The following USP42 variants were observed in gnomAD, a reference collection of about 807,000 sequenced individuals.
USP42 encodes ubiquitin carboxyl-terminal hydrolase 42.
In USP42, 23 loss-of-function variants were observed where a neutral mutation model predicts 113.0. That is an observed-to-expected ratio of 0.20 (90% CI 0.15 to 0.29). USP42 has a LOEUF of 0.29. USP42 is among the 10% of genes least tolerant of loss of function. The pLI is 1.00. For synonymous variants in USP42, 933 were observed against 699.0 expected, an observed-to-expected ratio of 1.33 and a Z score of -5.28; for missense variants, 2,174 against 1,779.8, an observed-to-expected ratio of 1.22 and a Z score of -3.99.
intron 2 of USP42, among the ~76,000 whole-genome samples, chr7:6,112,762 G>C (rs1298869836): frequency 6.6e-6 from 1 of 152,002 alleles, no homozygotes; most frequent in Non-Finnish European, 1.5e-5. Context: ...GCTGTCGTTA[G>C]TGTTAGTGTT....
At chr7:6,141,908 T>C (rs1417069758) in intron 7 of USP42, among the ~76,000 whole-genome samples, 1 of 152,232 alleles carries the variant, frequency 6.6e-6, no homozygotes, top group African/African-American at 2.4e-5. Context: ...TCACTTTTTA[T>C]ATAAATGAGA....
At chr7:6,102,242 G>T (rs56333002), upstream of USP42, among the ~76,000 whole-genome samples, 66,026 of 147,414 alleles carry the variant, frequency 0.45, 16,998 homozygotes, top group East Asian at 0.86. Flanking sequence ...CAGCCTCCCA[G>T]TAGCTGGGAT....
rs1353942904 is a variant in USP42 at position 6,150,180 on chromosome 7, A to G, written c.1984A>G (p.Ser662Gly). 1.2e-6 allele frequency: 2 copies of G among 1,613,818 alleles called. No homozygotes were observed. The highest frequency in any genetic ancestry group is 1.7e-5 in the Admixed American group (1 of 60,002). The part of the protein sequence containing the change: ...QEPMTLNGAN[S>G]ADSDSDPKEN... ...ACCCATGACCCTAAACGGTGCTAAT[A>G]GTGCAGACAGCGACAGTGACCCGAA... The change falls in exon 13 of 18, where the codon AGT (serine) becomes GGT (glycine). Residue 662 changes from serine (S) to glycine (G), a missense_variant. By Grantham distance (56) the Ser-to-Gly change is moderately conservative (BLOSUM62 0). Coordinates refer to ENST00000306177, the MANE Select transcript of USP42 (RefSeq NM_032172.3).
chr7:6,093,480 A>C, the USP42 span, among the ~76,000 whole-genome samples: 1 of 150,102 alleles, frequency 6.7e-6, no homozygotes, highest in Non-Finnish European at 1.5e-5. Flanking sequence ...AGAAACCAAA[A>C]CCATGTTGGC....
chr7:6,119,085 C>G (rs778260480), intron 3 of USP42, among the ~76,000 whole-genome samples: 41 of 151,702 alleles, frequency 2.7e-4, no homozygotes, highest in Non-Finnish European at 5.2e-4. Context: ...TCTGGGAACT[C>G]ATGCCTATAG....
chr7:6,149,248 C>T (rs1398481264), intron 12 of USP42, among the ~76,000 whole-genome samples: 1 of 152,124 alleles, frequency 6.6e-6, no homozygotes, highest in African/African-American at 2.4e-5. Context: ...AGCGAGCTCC[C>T]AGGAAACCCA....
chr7:6,084,710 C>T, the USP42 span: 2 of 150,722 alleles, frequency 1.3e-5, no homozygotes, highest in East Asian at 3.9e-4. Context: ...CACCTGATAT[C>T]GCAAGGACTC....
intron 14 of USP42, among the ~76,000 whole-genome samples, chr7:6,152,502 G>A (rs1343361163): frequency 4.6e-5 from 7 of 152,142 alleles, no homozygotes; most frequent in African/African-American, 7.2e-5. Context: ...AATGGCCCCC[G>A]GCGGGTGGGA....
chr7:6,112,477 G>A (rs1779651144), intron 2 of USP42, among the ~76,000 whole-genome samples: 1 of 151,924 alleles, frequency 6.6e-6, no homozygotes, highest in African/African-American at 2.4e-5. Context: ...AAAAAAGAGA[G>A]CATGTAACAC....
At chr7:6,121,868 C>T (rs1429800884) in intron 3 of USP42, among the ~76,000 whole-genome samples, 2 of 152,056 alleles carry the variant, frequency 1.3e-5, no homozygotes, top group East Asian at 1.9e-4. Flanking sequence ...ACTATGTTGC[C>T]CAGGGTAGTC....
At chr7:6,103,605 T>G (rs1380227449), upstream of USP42, among the ~76,000 whole-genome samples, 1 of 150,340 alleles carries the variant, frequency 6.7e-6, no homozygotes, top group Admixed American at 6.6e-5. Flanking sequence ...CAGGCGGACT[T>G]GAAGGCTGCA....
At chr7:6,114,538 A>C (rs1005264749) in intron 2 of USP42, among the ~76,000 whole-genome samples, 5 of 150,998 alleles carry the variant, frequency 3.3e-5, no homozygotes, top group Non-Finnish European at 5.9e-5. Context: ...TCTAAAAATC[A>C]AAAATGTATT....
intron 7 of USP42, among the ~76,000 whole-genome samples, chr7:6,141,674 T>A (rs1274537403): frequency 6.6e-6 from 1 of 152,080 alleles, no homozygotes; most frequent in Non-Finnish European, 1.5e-5. Context: ...TTCCCCTGTC[T>A]CAGCCTCCCT....
intron 2 of USP42, among the ~76,000 whole-genome samples, chr7:6,114,678 A>ATATATATATATATATTTT (rs1241045063): frequency 2.1e-4 from 4 of 18,880 alleles, no homozygotes; most frequent in Admixed American, 1.2e-3. Flanking sequence ...ATATATATAT[A>ATATATATATATATATTTT]TTTTTTTTTT....
chr7:6,137,341 AC>A (rs1781202104), intron 4 of USP42, among the ~76,000 whole-genome samples: 1 of 152,264 alleles, frequency 6.6e-6, no homozygotes, highest in South Asian at 2.1e-4. Flanking sequence ...TGGATTGTTT[AC>A]ACATGCATGC....
chr7:6,143,574 A>G (rs1316362718), intron 8 of USP42, among the ~76,000 whole-genome samples: 1 of 152,138 alleles, frequency 6.6e-6, no homozygotes, highest in East Asian at 1.9e-4. Flanking sequence ...GTGGTCAGGT[A>G]ATAGAAGTAA....
the USP42 span, among the ~76,000 whole-genome samples, chr7:6,085,635 G>A: frequency 1.4e-5 from 2 of 140,840 alleles, no homozygotes; most frequent in Non-Finnish European, 1.5e-5. Context: ...TTTTTTTTGA[G>A]ATGGAGTCTT....
intron 2 of USP42, among the ~76,000 whole-genome samples, chr7:6,114,636 G>GTA (rs1779781319): frequency 2.6e-5 from 3 of 117,598 alleles, no homozygotes; most frequent in African/African-American, 1.0e-4. Context: ...ACGTGTGTGT[G>GTA]TATATATGTA....
chr7:6,103,209 G>C (rs1274105180), upstream of USP42, among the ~76,000 whole-genome samples: 1 of 149,924 alleles, frequency 6.7e-6, no homozygotes, highest in African/African-American at 2.5e-5. Context: ...TCTGGAGCAA[G>C]AACTGGTCCA....
Sources: gnomAD v4.1 joint callset for allele counts (sites outside exome capture counted in the v4.1 genomes callset) on GRCh38, gnomAD v4.1.1 for gene constraint, MANE v1.5 for transcripts, NCBI Gene and HGNC (gene_info 2026-07-23, HGNC 2026-07-21) for gene names.